The following SRBD1 variants were observed in gnomAD, a reference collection of about 807,000 sequenced individuals.
SRBD1 encodes S1 RNA binding domain 1, also known as S1 RNA-binding domain-containing protein 1.
A neutral mutation model predicts 115.3 loss-of-function variants in SRBD1; 88 were observed. The observed-to-expected ratio is 0.76, with a 90% CI of 0.64 to 0.91. The LOEUF (loss-of-function observed/expected upper bound fraction) is 0.91, where lower values mean the gene tolerates loss of function less well. Ranked by LOEUF, SRBD1 falls within the 40% of genes least tolerant of loss-of-function variation. The pLI is 0.00. For missense variants in SRBD1, 1,385 were observed against 1,177.4 expected (o/e 1.18, Z -2.58); for synonymous variants, 509 against 407.7 (o/e 1.25, Z -2.99).
intron 16 of SRBD1, among the ~76,000 whole-genome samples, chr2:45,455,413 G>A (rs1033083150): frequency 1.3e-5 from 2 of 151,810 alleles, no homozygotes; most frequent in Non-Finnish European, 2.9e-5. Context: ...ATCATCACCT[G>A]GGCTGCCTAA....
At chr2:45,508,362 A>C (rs1008568058) in intron 14 of SRBD1, among the ~76,000 whole-genome samples, 32 of 152,350 alleles carry the variant, frequency 2.1e-4, no homozygotes, top group Admixed American at 1.1e-3. Flanking sequence ...TACCTCTAAC[A>C]GAAACTATAC....
intron 7 of SRBD1, among the ~76,000 whole-genome samples, chr2:45,575,702 G>T (rs763966484): frequency 6.6e-5 from 10 of 152,066 alleles, no homozygotes; most frequent in Non-Finnish European, 8.8e-5. Flanking sequence ...ATGGGTACAG[G>T]TCCACTTCTT....
intron 19 of SRBD1, among the ~76,000 whole-genome samples, chr2:45,412,124 CAAGACAAAAAAAAAT>C (rs1667621508): frequency 6.6e-6 from 1 of 150,426 alleles, no homozygotes; most frequent in Non-Finnish European, 1.5e-5. Context: ...CAAAACAAAA[CAAGACAAAAAAAAAT>C]AAGATGGATG....
chr2:45,472,498 G>A (rs1669678847), intron 16 of SRBD1, among the ~76,000 whole-genome samples: 1 of 152,106 alleles, frequency 6.6e-6, no homozygotes, highest in Non-Finnish European at 1.5e-5. Context: ...GAGATGGGGG[G>A]GTCTCACTAT....
intron 10 of SRBD1, 109 bp downstream of exon 10, chr2:45,562,544 T>C: frequency 3.4e-6 from 3 of 891,126 alleles, no homozygotes; most frequent in East Asian, 3.1e-5. Flanking sequence ...TCACTGGCTT[T>C]TTAAAAATGT....
chr2:45,502,113 G>A (rs61370158), intron 14 of SRBD1, among the ~76,000 whole-genome samples: 1 of 152,236 alleles, frequency 6.6e-6, no homozygotes, highest in Non-Finnish European at 1.5e-5. Context: ...CAATCAGGCA[G>A]CAACATTTGC....
chr2:45,452,644 C>A (rs1558404713), intron 16 of SRBD1, among the ~76,000 whole-genome samples: 1 of 151,950 alleles, frequency 6.6e-6, no homozygotes, highest in East Asian at 1.9e-4. Context: ...ATACTGGTGT[C>A]TTTTGCTTTA....
intron 4 of SRBD1, among the ~76,000 whole-genome samples, chr2:45,595,377 A>T (rs12987297): frequency 1.3e-5 from 2 of 152,108 alleles, no homozygotes; most frequent in Non-Finnish European, 2.9e-5. Flanking sequence ...AGTAATACTT[A>T]ATAATTTCCA....
intron 10 of SRBD1, among the ~76,000 whole-genome samples, chr2:45,554,669 G>T (rs185022428): frequency 2.0e-5 from 3 of 152,012 alleles, no homozygotes; most frequent in Non-Finnish European, 4.4e-5. Flanking sequence ...TCACTGAAAC[G>T]GTCCCTATAA....
At chr2:45,609,793 G>A (rs1674387789) in intron 1 of SRBD1, among the ~76,000 whole-genome samples, 1 of 152,106 alleles carries the variant, frequency 6.6e-6, no homozygotes, top group African/African-American at 2.4e-5. Context: ...TTTACTTCCT[G>A]TATACAGTAG....
Position 45,389,545 on chromosome 2 carries a change from A to G in SRBD1, c.2753T>C (p.Ile918Thr), listed in dbSNP as rs374414373. ...RSIVCLEDLQ[I>T]GTVLTGKVEN... The stretch of plus-strand genomic sequence containing the variant: ...AACTTTGCCTGTAAGAACTGTCCCA[A>G]TCTGCAGATCTTCCAGGCATACTAT... Residue 918 changes from isoleucine to threonine, a missense_variant, in exon 21 of 21, where the codon ATT (isoleucine) becomes ACT (threonine). By Grantham distance (89) the Ile-to-Thr change is moderately conservative. Coordinates refer to ENST00000263736, the MANE Select transcript of SRBD1 (RefSeq NM_018079.5). 24 of 1,613,928 alleles carry G rather than the reference A, an allele frequency of 1.5e-5. 1 individual carries two copies. The highest frequency in any genetic ancestry group is 6.7e-5 in the Admixed American group (4 of 59,992).
At chr2:45,536,544 A>G (rs1260798160) in intron 14 of SRBD1, among the ~76,000 whole-genome samples, 3 of 152,272 alleles carry the variant, frequency 2.0e-5, no homozygotes, top group African/African-American at 7.2e-5. Flanking sequence ...AGATTATAAT[A>G]AAGTTTTATC....
chr2:45,597,661 A>G (rs918104794), intron 4 of SRBD1, among the ~76,000 whole-genome samples: 2 of 152,168 alleles, frequency 1.3e-5, no homozygotes, highest in African/African-American at 4.8e-5. Context: ...ACAGTTTCCA[A>G]TTTCTGGTTC....
At chr2:45,460,906 T>A (rs143342739) in intron 16 of SRBD1, among the ~76,000 whole-genome samples, 52 of 152,316 alleles carry the variant, frequency 3.4e-4, no homozygotes, top group African/African-American at 1.1e-3. Flanking sequence ...TCCATGATCA[T>A]TACTAATCAC....
At chr2:45,498,491 A>G (rs1156924116) in intron 14 of SRBD1, among the ~76,000 whole-genome samples, 1 of 152,186 alleles carries the variant, frequency 6.6e-6, no homozygotes, top group African/African-American at 2.4e-5. Flanking sequence ...TAATGATCAA[A>G]TCAGGGTATA....
At chr2:45,447,548 C>A (rs1487761400) in intron 16 of SRBD1, 2 of 152,158 alleles carry the variant, frequency 1.3e-5, no homozygotes, top group Non-Finnish European at 2.9e-5. Context: ...AATTTTGGAA[C>A]ACATTATTTT....
chr2:45,444,948 T>A (rs909293796), intron 16 of SRBD1, among the ~76,000 whole-genome samples: 3 of 152,186 alleles, frequency 2.0e-5, no homozygotes, highest in African/African-American at 7.2e-5. Context: ...CTTTGCCAGA[T>A]GATGAACATA....
intron 14 of SRBD1, among the ~76,000 whole-genome samples, chr2:45,533,952 C>G (rs1315173450): frequency 6.6e-6 from 1 of 151,986 alleles, no homozygotes; most frequent in African/African-American, 2.4e-5. Flanking sequence ...CAAGAAATGA[C>G]CATCACTGGG....
intron 19 of SRBD1, among the ~76,000 whole-genome samples, chr2:45,406,172 G>A (rs1343622740): frequency 6.6e-6 from 1 of 152,142 alleles, no homozygotes; most frequent in Admixed American, 6.5e-5. Context: ...GCAAGGTCAG[G>A]AGTCCTCAGC....
Sources: allele counts gnomAD v4.1 joint callset (sites outside exome capture counted in the v4.1 genomes callset), GRCh38; gene constraint gnomAD v4.1.1; transcripts MANE v1.5; gene names NCBI Gene and HGNC (gene_info 2026-07-23, HGNC 2026-07-21).